The following PLXDC2 variants were observed in gnomAD, a reference collection of about 807,000 sequenced individuals.
The protein encoded by PLXDC2 is plexin domain containing 2, also known as plexin domain-containing protein 2.
A neutral mutation model predicts 68.9 loss-of-function variants in PLXDC2; 40 were observed. The ratio of observed to expected loss-of-function variants is 0.58; its 90% CI spans 0.45 to 0.76. PLXDC2 has a LOEUF of 0.76. Ranked by LOEUF, PLXDC2 falls within the 30% of genes least tolerant of loss-of-function variation. The probability of loss-of-function intolerance (pLI) is 0.00; values close to 1 mark genes in which losing one functional copy is unlikely to be tolerated. For missense variants in PLXDC2, 644 were observed against 661.9 expected (o/e 0.97, Z 0.30); for synonymous variants, 243 against 234.2 (o/e 1.04, Z -0.34).
chr10:20,262,873 C>T (rs559124402), intron 13 of PLXDC2, among the ~76,000 whole-genome samples: 1 of 152,342 alleles, frequency 6.6e-6, no homozygotes, highest in East Asian at 1.9e-4. Context: ...CAGGCCTGGG[C>T]CTCCAGCCAC....
At chr10:20,015,642 G>A (rs976508905) in intron 2 of PLXDC2, among the ~76,000 whole-genome samples, 26 of 151,880 alleles carry the variant, frequency 1.7e-4, no homozygotes, top group Non-Finnish European at 1.3e-4. Flanking sequence ...TGTGGCTCTG[G>A]AAGACAAGGA....
chr10:20,274,196 A>T (rs1564373443), intron 13 of PLXDC2, among the ~76,000 whole-genome samples: 1 of 152,190 alleles, frequency 6.6e-6, no homozygotes, highest in Non-Finnish European at 1.5e-5. Context: ...GCACCTCCCC[A>T]GGTGATTTTT....
chr10:20,235,435 C>G (rs759983755), intron 12 of PLXDC2, among the ~76,000 whole-genome samples: 2 of 152,182 alleles, frequency 1.3e-5, no homozygotes, highest in South Asian at 2.1e-4. Flanking sequence ...ATGAGTGGCA[C>G]TAACAACATT....
At position 19,825,714 on chromosome 10, in the gene PLXDC2, T is replaced by C. The variant is rs77940560; in HGVS notation, c.112+8523T>C. 2.5e-3 allele frequency among the ~76,000 whole-genome samples: 374 copies of C among 152,330 alleles called. 10 individuals are homozygous for C. In the East Asian group the frequency reaches 0.053, roughly 22 times the overall value. On this transcript the variant is annotated intron_variant, in intron 1 of 13. Coordinates refer to ENST00000377252, the MANE Select transcript of PLXDC2 (RefSeq NM_032812.9). ...AGAGCATGAAATGTACCAATAATGATGAGTTTTAAGATGGGAAAGTATTTA... is the reference window on the plus strand; with the variant it reads ...AGAGCATGAAATGTACCAATAATGACGAGTTTTAAGATGGGAAAGTATTTA...
chr10:20,118,579 G>A (rs1242379882), intron 4 of PLXDC2, among the ~76,000 whole-genome samples: 1 of 152,176 alleles, frequency 6.6e-6, no homozygotes, highest in Non-Finnish European at 1.5e-5. Flanking sequence ...TAAATCCATA[G>A]TGTAGCTCTT....
chr10:20,125,026 T>A (rs1833753308), intron 4 of PLXDC2, among the ~76,000 whole-genome samples: 2 of 152,162 alleles, frequency 1.3e-5, no homozygotes, highest in Admixed American at 1.3e-4. Context: ...CTTAATTGCT[T>A]ATAAATATTG....
intron 6 of PLXDC2, among the ~76,000 whole-genome samples, chr10:20,156,261 A>C (rs1253096933): frequency 6.6e-6 from 1 of 151,724 alleles, no homozygotes; most frequent in Non-Finnish European, 1.5e-5. Context: ...TGAAGTTCAG[A>C]CTCTTCGTGT....
At chr10:20,121,778 G>C (rs910569711) in intron 4 of PLXDC2, among the ~76,000 whole-genome samples, 1 of 152,164 alleles carries the variant, frequency 6.6e-6, no homozygotes, top group Non-Finnish European at 1.5e-5. Flanking sequence ...AACTTGAAAG[G>C]CTTGTCTGGT....
chr10:19,865,329 C>T (rs1837393563), intron 1 of PLXDC2, among the ~76,000 whole-genome samples: 1 of 152,134 alleles, frequency 6.6e-6, no homozygotes, highest in Non-Finnish European at 1.5e-5. Flanking sequence ...CTTAAGAGTT[C>T]AGAACACTGA....
At chr10:20,143,037 T>A (rs1834027089) in intron 4 of PLXDC2, among the ~76,000 whole-genome samples, 1 of 152,058 alleles carries the variant, frequency 6.6e-6, no homozygotes, top group Admixed American at 6.6e-5. Flanking sequence ...CAGATAATGG[T>A]CACTTTCCCC....
At chr10:19,944,098 A>G (rs1833862469) in intron 1 of PLXDC2, among the ~76,000 whole-genome samples, 2 of 152,344 alleles carry the variant, frequency 1.3e-5, no homozygotes, top group South Asian at 4.1e-4. Flanking sequence ...CAATGTTCTC[A>G]TGAACCTGAA....
chr10:20,255,393 G>A (rs1338253924), intron 13 of PLXDC2, among the ~76,000 whole-genome samples: 2 of 152,124 alleles, frequency 1.3e-5, no homozygotes, highest in Non-Finnish European at 2.9e-5. Context: ...ACCTCTTGAA[G>A]AGACTACTCT....
intron 1 of PLXDC2, among the ~76,000 whole-genome samples, chr10:19,993,391 G>A (rs1490262179): frequency 6.6e-6 from 1 of 152,006 alleles, no homozygotes; most frequent in Non-Finnish European, 1.5e-5. Flanking sequence ...TTTTAAAAGT[G>A]TAAATTAGTT....
At chr10:19,940,050 T>C (rs975934214) in intron 1 of PLXDC2, among the ~76,000 whole-genome samples, 2 of 151,838 alleles carry the variant, frequency 1.3e-5, no homozygotes, top group Non-Finnish European at 2.9e-5. Flanking sequence ...AAATTTTTAG[T>C]AATTTCAAAG....
intron 4 of PLXDC2, among the ~76,000 whole-genome samples, chr10:20,131,165 A>ATTT (rs35760576): frequency 0.04 from 3,048 of 76,990 alleles, 40 homozygotes; most frequent in African/African-American, 0.049. Flanking sequence ...TTTACTTGTT[A>ATTT]TTTTTTTTTT....
At chr10:20,072,444 G>GAAAGAAT (rs1836338320) in intron 4 of PLXDC2, among the ~76,000 whole-genome samples, 1 of 89,594 alleles carries the variant, frequency 1.1e-5, no homozygotes, top group African/African-American at 5.3e-5. Context: ...GAAGAAAGAA[G>GAAAGAAT]GAAAGAAAGA....
At chr10:20,078,441 C>T (rs893528233) in intron 4 of PLXDC2, among the ~76,000 whole-genome samples, 1 of 151,974 alleles carries the variant, frequency 6.6e-6, no homozygotes, top group African/African-American at 2.4e-5. Flanking sequence ...ATTGAGTGCT[C>T]CCAATTTCTA....
chr10:20,185,054 G>A (rs1265487473), intron 9 of PLXDC2, among the ~76,000 whole-genome samples: 1 of 149,996 alleles, frequency 6.7e-6, no homozygotes, highest in Non-Finnish European at 1.5e-5. Context: ...TGCATGCGGG[G>A]CTTAAAACCT....
chr10:20,225,391 C>A (rs1021371287), intron 12 of PLXDC2, among the ~76,000 whole-genome samples: 1 of 151,926 alleles, frequency 6.6e-6, no homozygotes, highest in Non-Finnish European at 1.5e-5. Flanking sequence ...TTGTACACTT[C>A]TTTTGTGTAG....
Sources: gnomAD v4.1 joint callset for allele counts (sites outside exome capture counted in the v4.1 genomes callset) on GRCh38, gnomAD v4.1.1 for gene constraint, MANE v1.5 for transcripts, NCBI Gene and HGNC (gene_info 2026-07-23, HGNC 2026-07-21) for gene names.